Variants in RNF152 observed in about 807,000 individuals in gnomAD.
The protein encoded by RNF152 is E3 ubiquitin-protein ligase RNF152.
RNF152 carries 11 observed loss-of-function variants against 12.7 expected under a neutral mutation model. The ratio of observed to expected loss-of-function variants is 0.86; its 90% CI spans 0.54 to 1.43. RNF152 has a LOEUF of 1.43. Among genes scored for constraint, RNF152 ranks in the 40% most tolerant of loss-of-function variants. The probability of loss-of-function intolerance (pLI) is 0.00; values close to 1 mark genes in which losing one functional copy is unlikely to be tolerated. For missense variants in RNF152, 255 were observed against 274.8 expected (o/e 0.93, Z 0.51); for synonymous variants, 113 against 120.3 (o/e 0.94, Z 0.40).
intron 1 of RNF152, among the ~76,000 whole-genome samples, chr18:61,860,415 T>C (rs1453895752): frequency 6.6e-6 from 1 of 152,208 alleles, no homozygotes; most frequent in East Asian, 1.9e-4. Context: ...TAGAAGATGC[T>C]GGTCCCATAA....
At chr18:61,891,415 G>A (rs1439553075) in intron 1 of RNF152, among the ~76,000 whole-genome samples, 1 of 145,902 alleles carries the variant, frequency 6.9e-6, no homozygotes, top group Non-Finnish European at 1.5e-5. Flanking sequence ...TTTTGTGTGC[G>A]AAGTGTTTAT....
At chr18:61,891,917 C>T (rs933353192) in intron 1 of RNF152, among the ~76,000 whole-genome samples, 2 of 152,174 alleles carry the variant, frequency 1.3e-5, no homozygotes, top group African/African-American at 2.4e-5. Flanking sequence ...AAATCGAAAG[C>T]CCATTTCCAT....
intron 1 of RNF152, among the ~76,000 whole-genome samples, chr18:61,823,883 G>A (rs568243229): frequency 2.0e-5 from 3 of 152,320 alleles, no homozygotes; most frequent in East Asian, 1.9e-4. Flanking sequence ...TGGATGTGCC[G>A]TGGAGCCAAG....
Position 61,816,215 on chromosome 18 carries a change from G to C in RNF152, c.249C>G (p.His83Gln). ...TGAAGACCGGGGTGTGTTCGGAAGT[G>C]TGTGGAATGGCGATGACAGCCAGGA... The part of the protein sequence containing the change: ...PEVLAVIAIP[H>Q]TSEHTPVFIK... Residue 83 changes from histidine (H) to glutamine (Q), a missense_variant, in exon 2 of 2, where the codon CAC (histidine) becomes CAG (glutamine). Transcript: ENST00000312828. 6.2e-7 allele frequency: 1 copy of C among 1,614,248 alleles called. No homozygotes were observed. The highest frequency in any genetic ancestry group is 8.5e-7 in the Non-Finnish European group (1 of 1,180,032).
chr18:61,830,129 C>T (rs1311229716), intron 1 of RNF152, among the ~76,000 whole-genome samples: 7 of 151,476 alleles, frequency 4.6e-5, no homozygotes, highest in Non-Finnish European at 1.0e-4. Flanking sequence ...TCCAGGGATT[C>T]TCCTGCCTCA....
chr18:61,833,389 C>A (rs144093188), intron 1 of RNF152, among the ~76,000 whole-genome samples: 3 of 152,258 alleles, frequency 2.0e-5, no homozygotes, highest in East Asian at 3.9e-4. Flanking sequence ...GGTAGCAAAG[C>A]CTCAAAGAAT....
intron 1 of RNF152, among the ~76,000 whole-genome samples, chr18:61,818,431 A>AAAAAAAC (rs780239790): frequency 6.6e-6 from 1 of 152,204 alleles, no homozygotes; most frequent in South Asian, 2.1e-4. Context: ...TCAAATTAAA[A>AAAAAAAC]AAAAAACAAA....
At chr18:61,831,068 CAA>C (rs1338743633) in intron 1 of RNF152, among the ~76,000 whole-genome samples, 1 of 152,100 alleles carries the variant, frequency 6.6e-6, no homozygotes, top group Non-Finnish European at 1.5e-5. Context: ...TAGAAAGAAA[CAA>C]AGGATGTGGA....
At chr18:61,871,928 G>A (rs1912012747) in intron 1 of RNF152, among the ~76,000 whole-genome samples, 1 of 152,080 alleles carries the variant, frequency 6.6e-6, no homozygotes, top group Non-Finnish European at 1.5e-5. Flanking sequence ...CTATATTAAG[G>A]GCAGTATATG....
chr18:61,821,454 A>G (rs935238135), intron 1 of RNF152, among the ~76,000 whole-genome samples: 4 of 152,216 alleles, frequency 2.6e-5, no homozygotes, highest in Non-Finnish European at 5.9e-5. Flanking sequence ...AAGGAAATTT[A>G]TGAGGCTATG....
chr18:61,892,162 T>C (rs1314642250), intron 1 of RNF152, among the ~76,000 whole-genome samples: 1 of 152,202 alleles, frequency 6.6e-6, no homozygotes, highest in Non-Finnish European at 1.5e-5. Context: ...AAATCCAGAA[T>C]GAGAGTCTAC....
At chr18:61,823,511 C>A (rs937101088) in intron 1 of RNF152, among the ~76,000 whole-genome samples, 12 of 152,218 alleles carry the variant, frequency 7.9e-5, no homozygotes, top group African/African-American at 2.9e-4. Flanking sequence ...ATTGGCCAGG[C>A]TGGTCTCGAA....
chr18:61,815,712 G>C lies in RNF152; in HGVS notation c.*140C>G. 1.2e-6 allele frequency: 1 copy of C among 842,314 alleles called. No homozygotes were observed. The highest frequency in any genetic ancestry group is 1.9e-6 in the Non-Finnish European group (1 of 528,908). The allele number at this position is 842,314 out of a possible 1,614,324, so 52.2% of individuals were successfully genotyped here. A position where few individuals can be genotyped will look rare whatever the true frequency, so the allele number is the denominator to read the frequency against. ...ACCTTCTGCCCTTTGTGTCTGTCTT[G>C]GGGTAATCAAGAGGCAACCCAGAGG... On this transcript the variant is annotated 3_prime_UTR_variant, in exon 2 of 2. Coordinates refer to ENST00000312828, the MANE Select transcript of RNF152 (RefSeq NM_173557.3).
rs191545276 is a variant in RNF152, at chr18:61,876,152, A to G, written c.-136+16643T>C. 3.0e-3 allele frequency among the ~76,000 whole-genome samples: 456 copies of G among 152,296 alleles called. 7 individuals carry two copies. The highest frequency in any genetic ancestry group is 0.025 in the Admixed American group (389 of 15,300). The stretch of plus-strand genomic sequence containing the variant: ...GTCACCAATGCCATTCCTCACTGCC[A>G]TGTGTCCAGACAATTACTGTCTACC... On this transcript the variant is annotated intron_variant, in intron 1 of 1. Transcript: ENST00000312828.
intron 1 of RNF152, among the ~76,000 whole-genome samples, chr18:61,836,930 G>T (rs1218931176): frequency 6.6e-6 from 1 of 152,184 alleles, no homozygotes; most frequent in African/African-American, 2.4e-5. Flanking sequence ...GGCTTTGACA[G>T]ACAGGATATT....
At chr18:61,866,647 C>T (rs1359684359) in intron 1 of RNF152, among the ~76,000 whole-genome samples, 4 of 152,218 alleles carry the variant, frequency 2.6e-5, no homozygotes, top group Non-Finnish European at 5.9e-5. Context: ...ATTCCCTGTG[C>T]TTCTCCTCCA....
At chr18:61,869,281 G>T (rs1415578098) in intron 1 of RNF152, among the ~76,000 whole-genome samples, 1 of 152,104 alleles carries the variant, frequency 6.6e-6, no homozygotes, top group African/African-American at 2.4e-5. Flanking sequence ...AAGCTGTCAG[G>T]GGTCTTCTTC....
At chr18:61,835,933 G>A (rs547925897) in intron 1 of RNF152, among the ~76,000 whole-genome samples, 1 of 152,294 alleles carries the variant, frequency 6.6e-6, no homozygotes, top group South Asian at 2.1e-4. Context: ...TGTGGAAGGA[G>A]AGACAAAAAT....
At chr18:61,854,749 G>T (rs753326343) in intron 1 of RNF152, among the ~76,000 whole-genome samples, 2 of 152,174 alleles carry the variant, frequency 1.3e-5, no homozygotes, top group Non-Finnish European at 2.9e-5. Context: ...AAAGAACCCA[G>T]TGCTGAATCA....
Sources: allele counts gnomAD v4.1 joint callset (sites outside exome capture counted in the v4.1 genomes callset), GRCh38; gene constraint gnomAD v4.1.1; transcripts MANE v1.5; gene names NCBI Gene and HGNC (gene_info 2026-07-23, HGNC 2026-07-21).